Variants in SLC24A2 observed in about 807,000 individuals in gnomAD.
SLC24A2 encodes the protein solute carrier family 24 member 2, also known as sodium/potassium/calcium exchanger 2.
Under a neutral mutation model 62.0 loss-of-function variants are expected in SLC24A2, and 36 were observed. The observed-to-expected ratio is 0.58, with a 90% CI of 0.44 to 0.77. The LOEUF (loss-of-function observed/expected upper bound fraction) is 0.77, where lower values mean the gene tolerates loss of function less well. Ranked by LOEUF, SLC24A2 falls within the 30% of genes least tolerant of loss-of-function variation. SLC24A2 has a pLI of 0.00. For missense variants in SLC24A2, 846 were observed against 817.9 expected (o/e 1.03, Z -0.42); for synonymous variants, 358 against 294.0 (o/e 1.22, Z -2.23).
the SLC24A2 span, among the ~76,000 whole-genome samples, chr9:20,018,093 C>A: frequency 6.6e-6 from 1 of 152,128 alleles, no homozygotes; most frequent in East Asian, 1.9e-4. Flanking sequence ...ACTACAGGCA[C>A]CCGCCACCAG....
At chr9:19,951,577 T>C in the SLC24A2 span, among the ~76,000 whole-genome samples, 45,623 of 151,756 alleles carry the variant, frequency 0.3, 7,544 homozygotes, top group South Asian at 0.45. Flanking sequence ...TTTTTCTATA[T>C]AGATATCCGG....
chr9:19,965,504 A>G, the SLC24A2 span, among the ~76,000 whole-genome samples: 3 of 152,316 alleles, frequency 2.0e-5, no homozygotes, highest in Admixed American at 6.5e-5. Context: ...AAGCTCTGAG[A>G]AAATATGCGT....
the SLC24A2 span, among the ~76,000 whole-genome samples, chr9:20,225,560 T>TTA: frequency 2.0e-4 from 20 of 100,262 alleles, 2 homozygotes; most frequent in Non-Finnish European, 2.7e-4. Flanking sequence ...ACTATATATA[T>TTA]TATATATATA....
At chr9:19,935,508 C>T in the SLC24A2 span, among the ~76,000 whole-genome samples, 1 of 152,262 alleles carries the variant, frequency 6.6e-6, no homozygotes. Context: ...AACAAAGCTG[C>T]CACCTGATTC....
At chr9:19,968,765 G>T in the SLC24A2 span, among the ~76,000 whole-genome samples, 3 of 152,012 alleles carry the variant, frequency 2.0e-5, no homozygotes, top group Non-Finnish European at 2.9e-5. Context: ...ATTATTTTAC[G>T]TCATTAACAG....
At chr9:19,976,790 T>A in the SLC24A2 span, among the ~76,000 whole-genome samples, 1 of 152,212 alleles carries the variant, frequency 6.6e-6, no homozygotes. Context: ...AAGGGACAAC[T>A]GTACTCTTTC....
chr9:19,923,246 C>T, the SLC24A2 span, among the ~76,000 whole-genome samples: 1 of 152,130 alleles, frequency 6.6e-6, no homozygotes, highest in African/African-American at 2.4e-5. Flanking sequence ...CAAGGACTTA[C>T]CATACTTTCC....
At chr9:19,871,017 T>C in the SLC24A2 span, among the ~76,000 whole-genome samples, 1 of 146,156 alleles carries the variant, frequency 6.8e-6, no homozygotes, top group Non-Finnish European at 1.5e-5. Context: ...TTTAGTTTCT[T>C]TTTTTTTCTG....
the SLC24A2 span, among the ~76,000 whole-genome samples, chr9:20,159,045 A>G: frequency 1.3e-5 from 2 of 151,708 alleles, no homozygotes; most frequent in African/African-American, 2.4e-5. Context: ...CGAGTTCTCA[A>G]TAGCAACATA....
At chr9:19,948,590 G>A in the SLC24A2 span, among the ~76,000 whole-genome samples, 1 of 152,114 alleles carries the variant, frequency 6.6e-6, no homozygotes, top group Admixed American at 6.5e-5. Flanking sequence ...GGGCGCGGTG[G>A]CTCACGCCTG....
the SLC24A2 span, among the ~76,000 whole-genome samples, chr9:20,135,861 G>A: frequency 6.6e-6 from 1 of 152,044 alleles, no homozygotes; most frequent in Non-Finnish European, 1.5e-5. Context: ...GACACATTTT[G>A]AAACATAATA....
rs913835106 is a variant in SLC24A2, at chr9:19,515,237, A to G, written c.*916T>C. On this transcript the variant is annotated 3_prime_UTR_variant, in exon 11 of 11. Transcript: ENST00000341998. ...TATTTTCTACTTGCATGCTGGGACA[A>G]TATAAGAACAAAACAAAACAACCCA... 2 of 152,186 alleles carry G rather than the reference A, an allele frequency of 1.3e-5. No individual in the cohort carries two copies. The highest frequency in any genetic ancestry group is 2.9e-5 in the Non-Finnish European group (2 of 68,034). The allele number at this position is 152,186 out of a possible 1,614,324, so 9.4% of individuals were successfully genotyped here. A position where few individuals can be genotyped will look rare whatever the true frequency, so the allele number is the denominator to read the frequency against.
At chr9:19,636,315 T>TTTCCTTTCCTTTCCTTTCCC (rs1554690361) in intron 2 of SLC24A2, among the ~76,000 whole-genome samples, 1 of 40,328 alleles carries the variant, frequency 2.5e-5, no homozygotes, top group African/African-American at 1.2e-4. Context: ...TTTTCTTTTC[T>TTTCCTTTCCTTTCCTTTCCC]TTTCTTTCTT....
the SLC24A2 span, among the ~76,000 whole-genome samples, chr9:19,999,626 G>A: frequency 1.3e-5 from 2 of 152,160 alleles, no homozygotes; most frequent in Non-Finnish European, 2.9e-5. Context: ...AGAAGGATGT[G>A]GTCTAAATAG....
At chr9:20,077,502 C>T in the SLC24A2 span, among the ~76,000 whole-genome samples, 53 of 152,176 alleles carry the variant, frequency 3.5e-4, no homozygotes, top group Non-Finnish European at 4.6e-4. Flanking sequence ...TCACAGTCGG[C>T]GCTCTACAGT....
chr9:20,182,996 C>T, the SLC24A2 span, among the ~76,000 whole-genome samples: 1 of 152,256 alleles, frequency 6.6e-6, no homozygotes, highest in African/African-American at 2.4e-5. Flanking sequence ...GTTCAGTCCT[C>T]TCTGCAAAAA....
intron 2 of SLC24A2, among the ~76,000 whole-genome samples, chr9:19,752,713 A>G (rs77932141): frequency 1.4e-5 from 2 of 142,828 alleles, no homozygotes; most frequent in East Asian, 2.0e-4. Flanking sequence ...AGAGAGAGAG[A>G]GAGGGAGAAT....
chr9:19,528,537 C>G (rs1229834446), intron 8 of SLC24A2, among the ~76,000 whole-genome samples: 2 of 152,084 alleles, frequency 1.3e-5, no homozygotes, highest in Admixed American at 6.6e-5. Flanking sequence ...GAATCAGTTT[C>G]TATTGCTTGC....
the SLC24A2 span, among the ~76,000 whole-genome samples, chr9:20,303,050 C>T: frequency 2.0e-5 from 3 of 152,150 alleles, no homozygotes; most frequent in East Asian, 5.8e-4. Context: ...TACCCTCTTA[C>T]CTGCATGTGA....
Sources: gnomAD v4.1 joint callset for allele counts (sites outside exome capture counted in the v4.1 genomes callset) on GRCh38, gnomAD v4.1.1 for gene constraint, MANE v1.5 for transcripts, NCBI Gene and HGNC (gene_info 2026-07-23, HGNC 2026-07-21) for gene names.